Variants in SRBD1 observed in about 807,000 individuals in gnomAD.
The protein encoded by SRBD1 is S1 RNA binding domain 1, also known as S1 RNA-binding domain-containing protein 1.
A neutral mutation model predicts 115.3 loss-of-function variants in SRBD1; 88 were observed. The observed-to-expected ratio is 0.76, with a 90% CI of 0.64 to 0.91. The LOEUF is 0.91. Among genes scored for constraint, SRBD1 ranks in the 40% least tolerant of loss-of-function variants. SRBD1 has a pLI of 0.00. For synonymous variants in SRBD1, 509 were observed against 407.7 expected, an observed-to-expected ratio of 1.25 and a Z score of -2.99; for missense variants, 1,385 against 1,177.4, an observed-to-expected ratio of 1.18 and a Z score of -2.58.
At chr2:45,499,674 AT>A (rs1344622943) in intron 14 of SRBD1, among the ~76,000 whole-genome samples, 1 of 152,150 alleles carries the variant, frequency 6.6e-6, no homozygotes, top group East Asian at 1.9e-4. Context: ...ATTTTTATAT[AT>A]GGTAAAAAAC....
At chr2:45,405,725 T>C (rs889081254) in intron 19 of SRBD1, among the ~76,000 whole-genome samples, 4 of 152,082 alleles carry the variant, frequency 2.6e-5, no homozygotes, top group African/African-American at 7.2e-5. Context: ...GGTTGGTAAG[T>C]TGATAGTGTC....
intron 16 of SRBD1, among the ~76,000 whole-genome samples, chr2:45,425,148 A>G: frequency 6.6e-6 from 1 of 152,158 alleles, no homozygotes; most frequent in Non-Finnish European, 1.5e-5. Flanking sequence ...TTGAGTAAGG[A>G]TCTCTGATGT....
chr2:45,554,551 A>T (rs1672412546), intron 10 of SRBD1, among the ~76,000 whole-genome samples: 1 of 152,220 alleles, frequency 6.6e-6, no homozygotes, highest in African/African-American at 2.4e-5. Context: ...TCTACCAGGC[A>T]ACATCTGCAT....
rs530593913 is a variant in SRBD1 at position 45,588,794 on chromosome 2, T to C, written c.649-3020A>G. ...GTAGAAATTCAAAGTTGTAGCCATT[T>C]TATTGTTATGAGGATGGTGGTGCTA... On this transcript the variant is annotated intron_variant, in intron 4 of 20. Transcript: ENST00000263736. Among the ~76,000 whole-genome samples the C allele has an allele frequency of 5.3e-5, 8 of 152,348 alleles. No individual in the cohort carries two copies. In the South Asian group the frequency reaches 1.7e-3, roughly 32 times the overall value.
intron 16 of SRBD1, among the ~76,000 whole-genome samples, chr2:45,445,492 A>T (rs1668793187): frequency 6.8e-6 from 1 of 147,938 alleles, no homozygotes; most frequent in East Asian, 2.0e-4. Flanking sequence ...TAGGGGTCAC[A>T]ATGAGGCAAG....
At chr2:45,533,597 C>T (rs1198309739) in intron 14 of SRBD1, among the ~76,000 whole-genome samples, 15 of 151,900 alleles carry the variant, frequency 9.9e-5, no homozygotes, top group Non-Finnish European at 2.1e-4. Flanking sequence ...ACTCTATTTT[C>T]AAAATGGCAG....
intron 19 of SRBD1, among the ~76,000 whole-genome samples, chr2:45,407,354 C>G (rs1489866529): frequency 6.6e-6 from 1 of 152,112 alleles, no homozygotes; most frequent in Non-Finnish European, 1.5e-5. Context: ...TAAAAACCTA[C>G]CCTAAATGTA....
intron 14 of SRBD1, among the ~76,000 whole-genome samples, chr2:45,530,697 C>T (rs946264180): frequency 6.6e-6 from 1 of 152,004 alleles, no homozygotes; most frequent in Non-Finnish European, 1.5e-5. Flanking sequence ...GCACTTCCAA[C>T]CTTTTTTCTA....
intron 14 of SRBD1, among the ~76,000 whole-genome samples, chr2:45,500,121 C>T (rs1034568059): frequency 6.6e-6 from 1 of 152,102 alleles, no homozygotes; most frequent in Non-Finnish European, 1.5e-5. Context: ...TCCTCCCAAT[C>T]TAGGAGCATG....
At chr2:45,560,541 G>T (rs976669775) in intron 10 of SRBD1, among the ~76,000 whole-genome samples, 1 of 152,170 alleles carries the variant, frequency 6.6e-6, no homozygotes, top group Non-Finnish European at 1.5e-5. Context: ...TACAAGTAAA[G>T]TATTACCATT....
At chr2:45,399,336 C>T (rs1667232161) in intron 19 of SRBD1, among the ~76,000 whole-genome samples, 1 of 152,154 alleles carries the variant, frequency 6.6e-6, no homozygotes, top group Admixed American at 6.5e-5. Context: ...CTTGAATGAG[C>T]TTACAATCTA....
chr2:45,493,677 G>C (rs1670367239), intron 14 of SRBD1, among the ~76,000 whole-genome samples: 1 of 152,000 alleles, frequency 6.6e-6, no homozygotes, highest in African/African-American at 2.4e-5. Context: ...AGCCAAGCGT[G>C]GTGGTACATG....
At chr2:45,439,239 T>G (rs1668588843) in intron 16 of SRBD1, among the ~76,000 whole-genome samples, 1 of 151,948 alleles carries the variant, frequency 6.6e-6, no homozygotes, top group African/African-American at 2.4e-5. Flanking sequence ...TTTTGCAGAC[T>G]AAAGGAAATT....
intron 4 of SRBD1, among the ~76,000 whole-genome samples, chr2:45,591,029 C>A (rs911008406): frequency 6.6e-6 from 1 of 151,390 alleles, no homozygotes; most frequent in Middle Eastern, 3.5e-3. Context: ...AAAAAAAAAC[C>A]CTCTTTCCTT....
intron 14 of SRBD1, among the ~76,000 whole-genome samples, chr2:45,533,592 A>T (rs1671678064): frequency 1.3e-5 from 2 of 152,006 alleles, no homozygotes; most frequent in Admixed American, 1.3e-4. Context: ...ATTCCACTCT[A>T]TTTTCAAAAT....
chr2:45,580,058 CAA>C (rs1673302127), intron 6 of SRBD1, 45 bp from the exon 7 acceptor site: 7 of 1,427,574 alleles, frequency 4.9e-6, no homozygotes, highest in East Asian at 2.5e-5. Context: ...TTTAAAAAAA[CAA>C]AAGTTAAAAC....
At chr2:45,555,973 C>A (rs1273633313) in intron 10 of SRBD1, among the ~76,000 whole-genome samples, 4 of 152,108 alleles carry the variant, frequency 2.6e-5, no homozygotes, top group African/African-American at 4.8e-5. Flanking sequence ...ATTAATATTA[C>A]CTTAAGGGTA....
In SRBD1 at chr2:45,574,719, A is replaced by C. The variant is rs766341878; in HGVS notation, c.1077T>G (p.Leu359=). ...CTATTTCAATATCCTGAAGCGTTGA[A>C]AGCCCTTTAGGAGAAGGGTAAAAAG... The part of the protein sequence containing the change: ...LSYIRPDVKG[L]STLQDIEIGV... Residue 359 remains leucine, a synonymous_variant, in exon 8 of 21, where the codon CTT becomes CTG. Transcript: ENST00000263736. The C allele has an allele frequency of 3.7e-6, 6 of 1,611,292 alleles. No individual in the cohort carries two copies. The highest frequency in any genetic ancestry group is 5.1e-6 in the Non-Finnish European group (6 of 1,179,214).
chr2:45,462,991 A>T (rs1669366626), intron 16 of SRBD1, among the ~76,000 whole-genome samples: 1 of 141,704 alleles, frequency 7.1e-6, no homozygotes, highest in African/African-American at 2.6e-5. Flanking sequence ...TTACATGGTA[A>T]TGATATTTAA....
Sources: gnomAD v4.1 joint callset for allele counts (sites outside exome capture counted in the v4.1 genomes callset) on GRCh38, gnomAD v4.1.1 for gene constraint, MANE v1.5 for transcripts, NCBI Gene and HGNC (gene_info 2026-07-23, HGNC 2026-07-21) for gene names.